Variants in DLG2 observed in about 807,000 individuals in gnomAD.
DLG2 encodes the protein disks large homolog 2.
DLG2 carries 45 observed loss-of-function variants against 132.5 expected under a neutral mutation model. The ratio of observed to expected loss-of-function variants is 0.34; its 90% confidence interval spans 0.27 to 0.44. The LOEUF is 0.44. Among genes scored for constraint, DLG2 ranks in the 20% least tolerant of loss-of-function variants. The pLI, the probability that DLG2 is intolerant of heterozygous loss-of-function variation, is 1.00. For synonymous variants in DLG2, 424 were observed against 419.6 expected (o/e 1.01, Z -0.13); for missense variants, 1,045 against 1,196.9 (o/e 0.87, Z 1.87).
chr11:84,518,888 C>A (rs918152104), intron 7 of DLG2, among the ~76,000 whole-genome samples: 8 of 152,016 alleles, frequency 5.3e-5, no homozygotes, highest in African/African-American at 1.9e-4. Flanking sequence ...TGAAAAATAC[C>A]AACCACATTT....
chr11:84,901,589 A>G (rs2090894358), intron 6 of DLG2, among the ~76,000 whole-genome samples: 2 of 152,148 alleles, frequency 1.3e-5, no homozygotes, highest in Admixed American at 6.6e-5. Context: ...ATAAATCTTT[A>G]AAATCAAACT....
At chr11:84,096,254 T>C (rs949841981) in intron 10 of DLG2, among the ~76,000 whole-genome samples, 5 of 150,298 alleles carry the variant, frequency 3.3e-5, no homozygotes, top group Non-Finnish European at 5.9e-5. Flanking sequence ...AAGTAGAAGA[T>C]TGTGTGTGTG....
chr11:84,610,876 T>C (rs1439287549), intron 6 of DLG2, among the ~76,000 whole-genome samples: 55 of 152,122 alleles, frequency 3.6e-4, no homozygotes, highest in Admixed American at 3.5e-3. Context: ...CGCTGTTTCC[T>C]CTGCCTGAAA....
intron 4 of DLG2, among the ~76,000 whole-genome samples, chr11:85,220,637 A>AAAATATATAT (rs371263007): frequency 0.011 from 1,642 of 148,182 alleles, 16 homozygotes; most frequent in Non-Finnish European, 0.017. Flanking sequence ...TAGAAAAAAA[A>AAAATATATAT]ATATATATAT....
At chr11:84,497,048 T>A (rs779286098) in intron 7 of DLG2, among the ~76,000 whole-genome samples, 5 of 152,264 alleles carry the variant, frequency 3.3e-5, no homozygotes, top group Non-Finnish European at 7.4e-5. Context: ...GCATAAGAAC[T>A]TAAACTCTGA....
intron 18 of DLG2, among the ~76,000 whole-genome samples, chr11:83,713,859 T>A (rs2086064157): frequency 6.6e-6 from 1 of 152,194 alleles, no homozygotes; most frequent in South Asian, 2.1e-4. Context: ...ATACAGTATT[T>A]GCCAGAGTAC....
At chr11:84,669,285 A>C (rs2099703196) in intron 6 of DLG2, among the ~76,000 whole-genome samples, 1 of 152,084 alleles carries the variant, frequency 6.6e-6, no homozygotes, top group South Asian at 2.1e-4. Flanking sequence ...AGCTGAAACA[A>C]GGGGGAGTAT....
At chr11:85,545,079 G>A (rs930712407) in intron 3 of DLG2, among the ~76,000 whole-genome samples, 1 of 152,166 alleles carries the variant, frequency 6.6e-6, no homozygotes, top group Non-Finnish European at 1.5e-5. Flanking sequence ...GTTTTCAAAG[G>A]GAATGCTTCC....
chr11:85,304,561 G>T (rs1827306746), intron 3 of DLG2, among the ~76,000 whole-genome samples: 1 of 152,088 alleles, frequency 6.6e-6, no homozygotes. Flanking sequence ...CTTTTTGAGT[G>T]CCAATATGAT....
intron 18 of DLG2, among the ~76,000 whole-genome samples, chr11:83,661,698 G>A (rs1001953866): frequency 1.3e-5 from 2 of 152,128 alleles, no homozygotes; most frequent in African/African-American, 2.4e-5. Flanking sequence ...AAGGGCTACT[G>A]CAGTGCTCAA....
At chr11:83,667,300 T>C (rs1281457076) in intron 18 of DLG2, among the ~76,000 whole-genome samples, 3 of 152,206 alleles carry the variant, frequency 2.0e-5, no homozygotes, top group Non-Finnish European at 4.4e-5. Flanking sequence ...GCAAACTCTG[T>C]CCTACCTACG....
intron 3 of DLG2, among the ~76,000 whole-genome samples, chr11:85,538,248 T>C (rs1160066428): frequency 2.0e-5 from 3 of 151,996 alleles, no homozygotes; most frequent in East Asian, 3.8e-4. Context: ...AAGCCAGTCA[T>C]AAAACCTAGA....
intron 11 of DLG2, among the ~76,000 whole-genome samples, chr11:83,998,012 C>T (rs912511177): frequency 2.0e-5 from 3 of 151,472 alleles, no homozygotes; most frequent in Admixed American, 2.0e-4. Flanking sequence ...GTGTGCACCT[C>T]TAATCCCAGC....
At chr11:84,298,605 G>A (rs1442047265) in intron 7 of DLG2, among the ~76,000 whole-genome samples, 5 of 152,174 alleles carry the variant, frequency 3.3e-5, no homozygotes, top group Admixed American at 2.0e-4. Context: ...CTTCTAATAC[G>A]ATAGTTGAAA....
intron 14 of DLG2, among the ~76,000 whole-genome samples, chr11:83,954,244 A>G (rs1479680978): frequency 1.3e-5 from 2 of 152,206 alleles, no homozygotes; most frequent in African/African-American, 4.8e-5. Context: ...CCCTTGAATT[A>G]AGATTTGTTA....
At chr11:84,917,941 T>C (rs7127610) in intron 6 of DLG2, among the ~76,000 whole-genome samples, 26,149 of 152,054 alleles carry the variant, frequency 0.17, 2,434 homozygotes, top group African/African-American at 0.23. Flanking sequence ...ATCTCTGACT[T>C]GTTATGAGCC....
intron 16 of DLG2, among the ~76,000 whole-genome samples, chr11:83,871,263 G>A (rs1207515473): frequency 6.6e-6 from 1 of 152,100 alleles, no homozygotes. Context: ...TCCTCATTTT[G>A]TCTGGCATAA....
chr11:85,583,516 G>A (rs748329944), intron 3 of DLG2, among the ~76,000 whole-genome samples: 1 of 151,958 alleles, frequency 6.6e-6, no homozygotes, highest in Non-Finnish European at 1.5e-5. Context: ...TATATCTGTA[G>A]GTTATTATTG....
intron 3 of DLG2, among the ~76,000 whole-genome samples, chr11:85,405,799 A>G (rs1039414388): frequency 6.6e-6 from 1 of 151,964 alleles, no homozygotes; most frequent in Non-Finnish European, 1.5e-5. Flanking sequence ...GGTAACTATA[A>G]AGAGAGGTGA....
Sources: allele counts gnomAD v4.1 joint callset (sites outside exome capture counted in the v4.1 genomes callset), GRCh38; gene constraint gnomAD v4.1.1; transcripts MANE v1.5; gene names NCBI Gene and HGNC (gene_info 2026-07-23, HGNC 2026-07-21).